The following CAMKMT variants were observed in gnomAD, a reference collection of about 807,000 sequenced individuals.
CAMKMT encodes the protein CaM KMT.
Under a neutral mutation model 48.0 loss-of-function variants are expected in CAMKMT, and 53 were observed. That is an observed-to-expected ratio of 1.10 (90% CI 0.89 to 1.39). The LOEUF (loss-of-function observed/expected upper bound fraction) is 1.39. CAMKMT is among the 40% of genes most tolerant of loss of function. The probability of loss-of-function intolerance (pLI) is 0.00; values close to 1 mark genes in which losing one functional copy is unlikely to be tolerated. For missense variants in CAMKMT, 428 were observed against 402.7 expected, an observed-to-expected ratio of 1.06 and a Z score of -0.54; for synonymous variants, 165 against 152.3, an observed-to-expected ratio of 1.08 and a Z score of -0.61.
intron 3 of CAMKMT, among the ~76,000 whole-genome samples, chr2:44,556,626 C>T (rs1241956468): frequency 1.5e-5 from 1 of 64,784 alleles, no homozygotes; most frequent in Non-Finnish European, 3.3e-5. Flanking sequence ...CCCGCCACCG[C>T]GCCCGGCTAA....
chr2:44,533,869 A>T (rs1434395095), intron 3 of CAMKMT, among the ~76,000 whole-genome samples: 1 of 152,338 alleles, frequency 6.6e-6, no homozygotes, highest in East Asian at 1.9e-4. Flanking sequence ...ACAGTATAAC[A>T]GGAGCATATC....
At chr2:44,566,564 T>C (rs1668630002) in intron 3 of CAMKMT, among the ~76,000 whole-genome samples, 1 of 152,116 alleles carries the variant, frequency 6.6e-6, no homozygotes, top group South Asian at 2.1e-4. Context: ...AAGGCCACCG[T>C]GGGGGCTTCT....
intron 3 of CAMKMT, among the ~76,000 whole-genome samples, chr2:44,672,357 A>T (rs1372601761): frequency 6.6e-6 from 1 of 152,150 alleles, no homozygotes; most frequent in Non-Finnish European, 1.5e-5. Flanking sequence ...TTACAATTTC[A>T]ATTTGAAATG....
intron 3 of CAMKMT, among the ~76,000 whole-genome samples, chr2:44,536,999 C>T (rs1666812681): frequency 6.6e-6 from 1 of 151,980 alleles, no homozygotes; most frequent in Non-Finnish European, 1.5e-5. Context: ...TCTCCACGTA[C>T]CAAAAAGCCA....
chr2:44,567,597 AG>A (rs1450620459), intron 3 of CAMKMT, among the ~76,000 whole-genome samples: 2 of 151,986 alleles, frequency 1.3e-5, no homozygotes, highest in African/African-American at 2.4e-5. Context: ...AGCTCAGTTC[AG>A]GGCTCAGCTT....
At chr2:44,459,114 A>G (rs1238004209) in intron 3 of CAMKMT, among the ~76,000 whole-genome samples, 2 of 152,084 alleles carry the variant, frequency 1.3e-5, no homozygotes, top group African/African-American at 4.8e-5. Context: ...AAAAAAAAAA[A>G]GATTTAGGAA....
At chr2:44,638,510 A>T (rs1673271378) in intron 3 of CAMKMT, among the ~76,000 whole-genome samples, 2 of 152,198 alleles carry the variant, frequency 1.3e-5, no homozygotes, top group African/African-American at 2.4e-5. Context: ...TCTAGTGAGA[A>T]CCCAAGGCAA....
chr2:44,760,392 T>C (rs1017078166), intron 9 of CAMKMT, among the ~76,000 whole-genome samples: 4 of 151,212 alleles, frequency 2.6e-5, no homozygotes, highest in Non-Finnish European at 5.9e-5. Flanking sequence ...AGTTAAAGAG[T>C]TATGAATGGC....
chr2:44,440,419 T>C (rs1666575698), intron 3 of CAMKMT, among the ~76,000 whole-genome samples: 1 of 152,218 alleles, frequency 6.6e-6, no homozygotes, highest in African/African-American at 2.4e-5. Context: ...ATGTCAATGC[T>C]GGCATTTGAA....
chr2:44,402,870 C>G (rs1682520877), intron 3 of CAMKMT, among the ~76,000 whole-genome samples: 1 of 144,342 alleles, frequency 6.9e-6, no homozygotes, highest in Non-Finnish European at 1.5e-5. Context: ...CCATAGCATT[C>G]TTTTCATATT....
At chr2:44,659,638 C>T (rs1674575236) in intron 3 of CAMKMT, among the ~76,000 whole-genome samples, 1 of 151,424 alleles carries the variant, frequency 6.6e-6, no homozygotes, top group South Asian at 2.1e-4. Context: ...AAGTTCCATT[C>T]TCTTTATGGT....
intron 3 of CAMKMT, among the ~76,000 whole-genome samples, chr2:44,615,384 C>T (rs1328753725): frequency 6.6e-6 from 1 of 152,108 alleles, no homozygotes; most frequent in East Asian, 1.9e-4. Flanking sequence ...AGATGATTAG[C>T]AACTGAATTA....
chr2:44,503,891 T>C (rs559297495), intron 3 of CAMKMT, among the ~76,000 whole-genome samples: 37 of 152,128 alleles, frequency 2.4e-4, no homozygotes, highest in Non-Finnish European at 4.4e-4. Flanking sequence ...AAGGGCTGTC[T>C]TATCCTTATG....
At chr2:44,605,919 A>G (rs1051243789) in intron 3 of CAMKMT, among the ~76,000 whole-genome samples, 1 of 152,196 alleles carries the variant, frequency 6.6e-6, no homozygotes, top group Admixed American at 6.5e-5. Context: ...AATTCTATTG[A>G]TAGAATTATA....
At position 44,489,079 on chromosome 2, in the gene CAMKMT, C is replaced by A. The variant is rs143910173; in HGVS notation, c.376+98774C>A. ...ATGGAGTCTAGCCATGTTGTCCAGG[C>A]TGGTTTCAAACTTCTGGTCTCAGGC... On this transcript the variant is annotated intron_variant, in intron 3 of 10. Transcript: ENST00000378494. Among the ~76,000 whole-genome samples the A allele has an allele frequency of 1.7e-4, 26 of 152,032 alleles. No homozygotes were observed. The East Asian group carries it at 5.0e-3, about 29-fold the overall frequency.
At chr2:44,629,548 C>T (rs1033831183) in intron 3 of CAMKMT, among the ~76,000 whole-genome samples, 1 of 151,300 alleles carries the variant, frequency 6.6e-6, no homozygotes, top group African/African-American at 2.4e-5. Context: ...AAGCAATCCT[C>T]CCACCTTGAC....
At chr2:44,743,338 C>G (rs1212617172) in intron 7 of CAMKMT, among the ~76,000 whole-genome samples, 1 of 151,996 alleles carries the variant, frequency 6.6e-6, no homozygotes, top group Non-Finnish European at 1.5e-5. Context: ...ATTATAATGA[C>G]TACGGTAAAG....
intron 3 of CAMKMT, among the ~76,000 whole-genome samples, chr2:44,527,301 TATA>T (rs1666180564): frequency 6.9e-6 from 1 of 144,226 alleles, no homozygotes; most frequent in South Asian, 2.1e-4. Flanking sequence ...ATAATATACA[TATA>T]TTATTATATA....
chr2:44,543,049 C>G (rs1667216520), intron 3 of CAMKMT, among the ~76,000 whole-genome samples: 1 of 152,098 alleles, frequency 6.6e-6, no homozygotes. Context: ...TTATCGTTTA[C>G]TAGTATCTTT....
Sources: allele counts gnomAD v4.1 joint callset (sites outside exome capture counted in the v4.1 genomes callset), GRCh38; gene constraint gnomAD v4.1.1; transcripts MANE v1.5; gene names NCBI Gene and HGNC (gene_info 2026-07-23, HGNC 2026-07-21).